SEMA3F: variants seen among roughly 807,000 people sequenced by gnomAD.
SEMA3F encodes the protein semaphorin 3F.
A neutral mutation model predicts 98.5 loss-of-function variants in SEMA3F; 30 were observed. The observed-to-expected ratio is 0.30, with a 90% CI of 0.23 to 0.41. The LOEUF (loss-of-function observed/expected upper bound fraction) is 0.41. Among genes scored for constraint, SEMA3F ranks in the 10% least tolerant of loss-of-function variants. The pLI is 1.00. For synonymous variants in SEMA3F, 380 were observed against 444.8 expected (o/e 0.85, Z 1.83); for missense variants, 866 against 1,119.3 (o/e 0.77, Z 3.23).
chr3:50,176,824 G>C lies in SEMA3F; in HGVS notation c.606G>C (p.Pro202=). ...ERLESGKGKC[P]YDPKLDTASA... Reference sequence around the variant, plus strand: ...TCGAGTCAGGGAAGGGCAAGTGTCCGTACGATCCCAAGCTGGACACAGCAT... The same window carrying C: ...TCGAGTCAGGGAAGGGCAAGTGTCCCTACGATCCCAAGCTGGACACAGCAT... The change falls in exon 7 of 19, where the codon CCG becomes CCC. Residue 202 remains proline, a synonymous_variant. Transcript: ENST00000002829. The C allele has an allele frequency of 5.0e-6, 8 of 1,613,730 alleles. No homozygotes were observed. Among genetic ancestry groups the C allele is most frequent in the Non-Finnish European group, 6.8e-6 (8 of 1,179,954 alleles).
At chr3:50,165,836 C>A (rs1698384508) in intron 2 of SEMA3F, among the ~76,000 whole-genome samples, 1 of 152,204 alleles carries the variant, frequency 6.6e-6, no homozygotes, top group Non-Finnish European at 1.5e-5. Context: ...TCCTGGGCTC[C>A]AGTCCCTGAC....
rs1697955632 is a variant in SEMA3F at position 50,155,822 on chromosome 3, A to G, written c.-49+258A>G. 1.1e-5 allele frequency: 2 copies of G among 174,070 alleles called. No individual in the cohort carries two copies. The highest frequency in any genetic ancestry group is 2.4e-5 in the Non-Finnish European group (2 of 82,578). The allele number at this position is 174,070 out of a possible 1,614,324, so 10.8% of individuals were successfully genotyped here. On this transcript the variant is annotated intron_variant, in intron 1 of 18. Coordinates refer to ENST00000002829, the MANE Select transcript of SEMA3F (RefSeq NM_004186.5). This position sits in a 1 kb window ranked among gnomAD's most constrained non-coding sequence, Gnocchi z 4.9. ...TGCGGGGTCACCCATGTGCAAAGCA[A>G]CTTTTTCCTGCAAGGTTCTGGGTGG...
Position 50,156,341 on chromosome 3 carries a change from C to G in SEMA3F, c.-49+777C>G, listed in dbSNP as rs958699902. On this transcript the variant is annotated intron_variant, in intron 1 of 18. Coordinates refer to ENST00000002829, the MANE Select transcript of SEMA3F (RefSeq NM_004186.5). The surrounding 1 kb of genome is among the most constrained non-coding windows in gnomAD (Gnocchi z 4.5). ...TGGCCTAGGAATGAGGCAGTGCTGG[C>G]GGGAGTTGGCTGGAGCTGGGGCTGG... 5.3e-5 allele frequency among the ~76,000 whole-genome samples: 8 copies of G among 152,186 alleles called. No homozygotes were observed. Among genetic ancestry groups the G allele is most frequent in the African/African-American group, 1.9e-4 (8 of 41,448 alleles).
At chr3:50,163,758 C>T (rs1698304877) in intron 2 of SEMA3F, among the ~76,000 whole-genome samples, 1 of 152,126 alleles carries the variant, frequency 6.6e-6, no homozygotes, top group East Asian at 1.9e-4. Context: ...AGCTTTGAGG[C>T]CAGTGTGGCA....
chr3:50,167,519 G>A (rs997225823), intron 2 of SEMA3F, among the ~76,000 whole-genome samples: 72 of 152,318 alleles, frequency 4.7e-4, no homozygotes, highest in African/African-American at 1.1e-3. Flanking sequence ...CGGAACGGGC[G>A]TGGGAACAGC....
intron 15 of SEMA3F, 23 bp from the exon 16 acceptor site, chr3:50,185,866 C>T: frequency 6.2e-7 from 1 of 1,607,680 alleles, no homozygotes; most frequent in Non-Finnish European, 8.5e-7. Flanking sequence ...CAGGAACTGA[C>T]AAGGCCCTAC....
At chr3:50,185,318 C>A in intron 13 of SEMA3F, 125 bp from the exon 14 acceptor site, 1 of 880,978 alleles carries the variant, frequency 1.1e-6, no homozygotes, top group Non-Finnish European at 1.7e-6. Flanking sequence ...ACTCTTCCAC[C>A]TTGGCACAAA....
chr3:50,177,067 C>T (rs1383611828), intron 7 of SEMA3F, among the ~76,000 whole-genome samples: 3 of 152,196 alleles, frequency 2.0e-5, no homozygotes, highest in Non-Finnish European at 2.9e-5. Flanking sequence ...TAGAAGCCTC[C>T]GCCTGGCCCC....
intron 2 of SEMA3F, among the ~76,000 whole-genome samples, chr3:50,163,222 G>A (rs746136492): frequency 1.2e-4 from 18 of 152,230 alleles, no homozygotes; most frequent in African/African-American, 4.3e-4. Flanking sequence ...AGAAAGGGCT[G>A]GGGTCGCACT....
chr3:50,173,550 G>A (rs1698691145), intron 2 of SEMA3F: 1 of 514,716 alleles, frequency 1.9e-6, no homozygotes, highest in Non-Finnish European at 3.5e-6. Context: ...GCTGAGACAG[G>A]AGAATCGCTT....
chr3:50,170,622 A>C lies in SEMA3F; in HGVS notation c.113-3171A>C, dbSNP rs200312787. Reference sequence around the variant, plus strand: ...GTCACTGATCCTCAGGGTCACTTTGAATATCAGTACCAGGAGGGCCTGAGA... The same window carrying C: ...GTCACTGATCCTCAGGGTCACTTTGCATATCAGTACCAGGAGGGCCTGAGA... On this transcript the variant is annotated intron_variant, in intron 2 of 18. Transcript: ENST00000002829. 2.0e-5 allele frequency among the ~76,000 whole-genome samples: 3 copies of C among 152,076 alleles called. No individual in the cohort carries two copies. In the East Asian group the frequency reaches 5.8e-4, roughly 29 times the overall value.
At chr3:50,180,795 G>A (rs542905040) in intron 7 of SEMA3F, among the ~76,000 whole-genome samples, 45 of 152,266 alleles carry the variant, frequency 3.0e-4, no homozygotes, top group African/African-American at 9.9e-4. Context: ...GGCAAGGCGC[G>A]GTGGCTCATG....
chr3:50,160,657 C>T (rs966225412), intron 2 of SEMA3F, among the ~76,000 whole-genome samples: 1 of 152,176 alleles, frequency 6.6e-6, no homozygotes, highest in Non-Finnish European at 1.5e-5. Context: ...TTCATCCAGC[C>T]GCCTGCCCTG....
In SEMA3F at chr3:50,155,584, G is replaced by T; in HGVS notation, c.-49+20G>T. ...GAAGAGGTGAGTGCAGCGGGAACCG[G>T]GAGGGAGCGGGCAGGCGGCCGGGCC... is the stretch of plus-strand genomic sequence containing the variant. On this transcript the variant is annotated intron_variant, in intron 1 of 18. Coordinates refer to ENST00000002829, the MANE Select transcript of SEMA3F (RefSeq NM_004186.5). This position sits in a 1 kb window ranked among gnomAD's most constrained non-coding sequence, Gnocchi z 4.9. 3.3e-6 allele frequency: 1 copy of T among 299,508 alleles called. No individual in the cohort carries two copies. The highest frequency in any genetic ancestry group is 6.2e-6 in the Non-Finnish European group (1 of 162,114). The allele number at this position is 299,508 out of a possible 1,614,324, so 18.6% of individuals were successfully genotyped here.
rs1457284095 is a variant in SEMA3F, at chr3:50,176,833, C to T, written c.615C>T (p.Pro205=). 6.2e-7 allele frequency: 1 copy of T among 1,613,746 alleles called. No individual in the cohort carries two copies. The highest frequency in any genetic ancestry group is 1.1e-5 in the South Asian group (1 of 91,082). The change falls in exon 7 of 19, where the codon CCC becomes CCT. Residue 205 remains proline (P), a synonymous_variant. Coordinates refer to ENST00000002829, the MANE Select transcript of SEMA3F (RefSeq NM_004186.5). The part of the protein sequence containing the change: ...ESGKGKCPYD[P]KLDTASALIN... ...GGAAGGGCAAGTGTCCGTACGATCC[C>T]AAGCTGGACACAGCATCGGCCCTCA...
chr3:50,174,234 G>C lies in SEMA3F; in HGVS notation c.340G>C (p.Glu114Gln). ...GCAGCCTTCCCTGTGGCCCCAGGGC[G>C]AGTGTGGGAACTTCGTCAGGCTCAT... ...CVLSGKDVNG[E>Q]CGNFVRLIQP... Residue 114 changes from glutamate (E) to glutamine (Q), a missense_variant, in exon 5 of 19, where the codon GAG (glutamate) becomes CAG (glutamine). Coordinates refer to ENST00000002829, the MANE Select transcript of SEMA3F (RefSeq NM_004186.5). The C allele has an allele frequency of 6.2e-7, 1 of 1,613,732 alleles. No individual in the cohort carries two copies. The highest frequency in any genetic ancestry group is 8.5e-7 in the Non-Finnish European group (1 of 1,179,952).
Position 50,186,386 on chromosome 3 carries a change from A to G in SEMA3F, c.1813+38A>G, listed in dbSNP as rs534480817. 7.2e-5 allele frequency: 114 copies of G among 1,593,814 alleles called. No homozygotes were observed. In the Middle Eastern group the frequency reaches 2.9e-3, roughly 40 times the overall value. ...GGCCTCACTGTGGGGTGCTGCTCAC[A>G]CTGCAGAAGTCCACGCAGCCCACGA... On this transcript the variant is annotated intron_variant, in intron 17 of 18. Coordinates refer to ENST00000002829, the MANE Select transcript of SEMA3F (RefSeq NM_004186.5).
In SEMA3F at chr3:50,188,105, C is replaced by T. The variant is rs754678639; in HGVS notation, c.2348C>T (p.Pro783Leu). 2.2e-5 allele frequency: 33 copies of T among 1,519,620 alleles called. No individual in the cohort carries two copies. Among genetic ancestry groups the T allele is most frequent in the South Asian group, 1.4e-4 (11 of 79,088 alleles). The allele number at this position is 1,519,620 out of a possible 1,614,324, so 94.1% of individuals were successfully genotyped here. ...CCCCGGAACCGCCGGCACCACCCTC[C>T]GGACACATGAGGCCAGCTGCCTGTG... ...KKPRNRRHHP[P>L]DT is the part of the protein sequence containing the mutation. The change falls in exon 19 of 19, where the codon CCG becomes CTG. Residue 783 changes from proline to leucine, a missense_variant. By Grantham distance (98) the Pro-to-Leu change is moderately conservative. Coordinates refer to ENST00000002829, the MANE Select transcript of SEMA3F (RefSeq NM_004186.5). This position sits in a 1 kb window ranked among gnomAD's most constrained non-coding sequence, Gnocchi z 4.5.
Position 50,184,303 on chromosome 3 carries a change from A to G in SEMA3F, c.1234-289A>G, listed in dbSNP as rs1022005994. 1.9e-4 allele frequency: 90 copies of G among 473,166 alleles called. 1 individual carries two copies. Among genetic ancestry groups the G allele is most frequent in the Non-Finnish European group, 3.4e-4 (87 of 258,308 alleles). The allele number at this position is 473,166 out of a possible 1,614,324, so 29.3% of individuals were successfully genotyped here. Reference sequence around the variant, plus strand: ...AACAACCAGAGAGGAAGGAGATGACAGGGGTGGGGAGGGGGACATGGAAGG... The same window carrying G: ...AACAACCAGAGAGGAAGGAGATGACGGGGGTGGGGAGGGGGACATGGAAGG... On this transcript the variant is annotated intron_variant, in intron 12 of 18. Coordinates refer to ENST00000002829, the MANE Select transcript of SEMA3F (RefSeq NM_004186.5).
Sources: allele counts gnomAD v4.1 joint callset (sites outside exome capture counted in the v4.1 genomes callset), GRCh38; gene constraint gnomAD v4.1.1; non-coding constraint Gnocchi (gnomAD v3.1); transcripts MANE v1.5; gene names NCBI Gene and HGNC (gene_info 2026-07-23, HGNC 2026-07-21).